PCDH15: variants seen among roughly 807,000 people sequenced by gnomAD.
PCDH15 encodes protocadherin related 15.
A neutral mutation model predicts 178.5 loss-of-function variants in PCDH15; 129 were observed. The ratio of observed to expected loss-of-function variants is 0.72; its 90% CI spans 0.63 to 0.84. PCDH15 has a LOEUF of 0.84. Ranked by LOEUF, PCDH15 falls within the 40% of genes least tolerant of loss-of-function variation. PCDH15 has a pLI of 0.00. For missense variants in PCDH15, 2,230 were observed against 2,099.9 expected (o/e 1.06, Z -1.21); for synonymous variants, 800 against 732.0 (o/e 1.09, Z -1.50).
intron 18 of PCDH15, among the ~76,000 whole-genome samples, chr10:54,036,983 C>T (rs1236374182): frequency 6.6e-6 from 1 of 151,858 alleles, no homozygotes; most frequent in Admixed American, 6.6e-5. Flanking sequence ...AGGTTTAAGA[C>T]TTCAGTTGGA....
At chr10:54,619,907 G>A (rs780138032) in intron 2 of PCDH15, among the ~76,000 whole-genome samples, 7 of 151,334 alleles carry the variant, frequency 4.6e-5, no homozygotes, top group South Asian at 2.1e-4. Flanking sequence ...ATAGCTCACC[G>A]GACAAATCCA....
intron 2 of PCDH15, among the ~76,000 whole-genome samples, chr10:54,604,279 G>A (rs762221642): frequency 2.0e-5 from 3 of 151,940 alleles, no homozygotes; most frequent in Non-Finnish European, 2.9e-5. Flanking sequence ...TTCTGTAGAT[G>A]TCTGTTAGGT....
At chr10:55,387,183 C>T (rs1436934537) in intron 2 of PCDH15, among the ~76,000 whole-genome samples, 1 of 151,816 alleles carries the variant, frequency 6.6e-6, no homozygotes, top group Non-Finnish European at 1.5e-5. Flanking sequence ...AAATATGATC[C>T]AAGACCTGGA....
At chr10:54,454,298 T>A (rs970967699) in intron 3 of PCDH15, among the ~76,000 whole-genome samples, 1 of 149,684 alleles carries the variant, frequency 6.7e-6, no homozygotes, top group Non-Finnish European at 1.5e-5. Context: ...ATGCTTTTAA[T>A]TGATAGATTA....
At chr10:54,678,347 G>T (rs1243022365) in intron 1 of PCDH15, among the ~76,000 whole-genome samples, 2 of 152,044 alleles carry the variant, frequency 1.3e-5, no homozygotes, top group Admixed American at 1.3e-4. Context: ...AGATTCCCAG[G>T]TTAAAGTCAT....
At chr10:54,630,390 T>A (rs77933450) in intron 2 of PCDH15, among the ~76,000 whole-genome samples, 3 of 152,166 alleles carry the variant, frequency 2.0e-5, no homozygotes, top group African/African-American at 7.2e-5. Context: ...TTCAACAGAC[T>A]CGACAAAAAT....
intron 2 of PCDH15, among the ~76,000 whole-genome samples, chr10:55,345,318 T>C (rs912417251): frequency 6.6e-6 from 1 of 152,018 alleles, no homozygotes; most frequent in Non-Finnish European, 1.5e-5. Context: ...TGATGACTGG[T>C]GCATTCCTGT....
chr10:54,338,920 A>G (rs1396234431), intron 6 of PCDH15, among the ~76,000 whole-genome samples: 1 of 152,242 alleles, frequency 6.6e-6, no homozygotes, highest in Admixed American at 6.5e-5. Context: ...AGTCTTATCA[A>G]TCTTGCTAAC....
At chr10:55,509,300 T>C (rs908152138) in intron 2 of PCDH15, among the ~76,000 whole-genome samples, 2 of 151,722 alleles carry the variant, frequency 1.3e-5, no homozygotes, top group Non-Finnish European at 2.9e-5. Flanking sequence ...CTGTAACAAA[T>C]ATTACAGCAC....
chr10:53,846,899 G>C (rs1326863884), intron 28 of PCDH15, among the ~76,000 whole-genome samples: 1 of 151,944 alleles, frequency 6.6e-6, no homozygotes, highest in Non-Finnish European at 1.5e-5. Flanking sequence ...CATGTGATGA[G>C]AATTTCTGGT....
chr10:53,855,899 G>GATGTGTATATATAT (rs1554832729), intron 28 of PCDH15, among the ~76,000 whole-genome samples: 11 of 77,836 alleles, frequency 1.4e-4, no homozygotes, highest in African/African-American at 8.1e-4. Context: ...AAAAAAAGGT[G>GATGTGTATATATAT]ATATGTATAT....
chr10:55,231,897 A>C (rs1391914876), intron 1 of PCDH15, among the ~76,000 whole-genome samples: 2 of 152,002 alleles, frequency 1.3e-5, no homozygotes, highest in Non-Finnish European at 2.9e-5. Context: ...TAGAGGAATA[A>C]AATAATTTCT....
At position 54,398,969 on chromosome 10, in the gene PCDH15, T is replaced by G. The variant is rs1951588999; in HGVS notation, c.158-20027A>C. Reference sequence around the variant, plus strand: ...AACTATAGAATTTTACACCAAACAGTATGTTCTGCCACAGTAAACTGTCTC... The same window carrying G: ...AACTATAGAATTTTACACCAAACAGGATGTTCTGCCACAGTAAACTGTCTC... On this transcript the variant is annotated intron_variant, in intron 3 of 37. Coordinates refer to ENST00000644397, the MANE Select transcript of PCDH15 (RefSeq NM_001384140.1). Among the ~76,000 whole-genome samples the G allele has an allele frequency of 2.6e-5, 4 of 152,124 alleles. No individual in the cohort carries two copies. The South Asian group carries it at 8.3e-4, about 31-fold the overall frequency.
At chr10:55,076,979 G>C (rs1242734557) in intron 2 of PCDH15, among the ~76,000 whole-genome samples, 1 of 151,622 alleles carries the variant, frequency 6.6e-6, no homozygotes, top group African/African-American at 2.4e-5. Context: ...ATGTTGATCA[G>C]GCTGGTCTCA....
chr10:55,537,586 C>G lies in PCDH15; in HGVS notation c.-156+90039G>C, dbSNP rs1311694911. ...CAGTAGCTGGGATTACAGGCACGTG[C>G]CATCACACCTGGCTAATTTTTGTAT... On this transcript the variant is annotated intron_variant, in intron 2 of 5. Coordinates refer to the PCDH15 transcript ENST00000613346. Among the ~76,000 whole-genome samples, 3 of 152,076 alleles carry G rather than the reference C, an allele frequency of 2.0e-5. No homozygotes were observed. The East Asian group carries it at 5.8e-4, about 29-fold the overall frequency.
intron 6 of PCDH15, among the ~76,000 whole-genome samples, chr10:54,340,098 G>A (rs1301614719): frequency 1.3e-5 from 2 of 152,056 alleles, no homozygotes; most frequent in Non-Finnish European, 2.9e-5. Context: ...TTTAACAATT[G>A]TCTAGAGGAC....
chr10:55,104,467 T>A (rs1009373073), intron 2 of PCDH15, among the ~76,000 whole-genome samples: 1 of 152,176 alleles, frequency 6.6e-6, no homozygotes, highest in Non-Finnish European at 1.5e-5. Flanking sequence ...TTTGCTTTTT[T>A]AAAAATCAAA....
chr10:55,434,363 C>T (rs921137553), intron 2 of PCDH15, among the ~76,000 whole-genome samples: 46 of 151,848 alleles, frequency 3.0e-4, no homozygotes, highest in African/African-American at 5.8e-4. Context: ...GCCAATTCTC[C>T]GCTTTTTCAA....
At chr10:54,136,729 A>G (rs1046741814) in intron 14 of PCDH15, among the ~76,000 whole-genome samples, 4 of 152,182 alleles carry the variant, frequency 2.6e-5, no homozygotes, top group Non-Finnish European at 5.9e-5. Context: ...AAATGCTGAA[A>G]CAAAGAGGAC....
Sources: gnomAD v4.1 joint callset for allele counts (sites outside exome capture counted in the v4.1 genomes callset) on GRCh38, gnomAD v4.1.1 for gene constraint, MANE v1.5 for transcripts, NCBI Gene and HGNC (gene_info 2026-07-23, HGNC 2026-07-21) for gene names.